LRP1B: variants seen among roughly 807,000 people sequenced by gnomAD.
LRP1B encodes the protein LDL receptor related protein 1B, also known as low-density lipoprotein receptor-related protein 1B.
In LRP1B, 217 loss-of-function variants were observed where a neutral mutation model predicts 556.6. The observed-to-expected ratio is 0.39, with a 90% confidence interval of 0.35 to 0.44. The LOEUF is 0.44. LRP1B is among the 20% of genes least tolerant of loss of function. LRP1B has a pLI of 1.00. For missense variants in LRP1B, 5,053 were observed against 5,620.8 expected (o/e 0.90, Z 3.23); for synonymous variants, 2,047 against 1,865.8 (o/e 1.10, Z -2.50).
At chr2:141,767,834 T>C (rs1047655048) in intron 2 of LRP1B, among the ~76,000 whole-genome samples, 1 of 152,174 alleles carries the variant, frequency 6.6e-6, no homozygotes, top group East Asian at 1.9e-4. Context: ...CTCACATTTT[T>C]CTGTTCCATG....
intron 23 of LRP1B, among the ~76,000 whole-genome samples, chr2:140,892,350 T>C (rs979504551): frequency 2.6e-5 from 4 of 152,140 alleles, no homozygotes; most frequent in African/African-American, 9.7e-5. Flanking sequence ...GTTTAGAACA[T>C]AGTGTTGATT....
At chr2:141,478,310 T>C (rs1352639525) in intron 3 of LRP1B, among the ~76,000 whole-genome samples, 1 of 152,172 alleles carries the variant, frequency 6.6e-6, no homozygotes, top group Admixed American at 6.5e-5. Context: ...TCATCTCTGA[T>C]GAAATATTTG....
intron 7 of LRP1B, among the ~76,000 whole-genome samples, chr2:141,183,476 C>T (rs1681100559): frequency 6.6e-6 from 1 of 152,026 alleles, no homozygotes; most frequent in Admixed American, 6.6e-5. Flanking sequence ...CTCTTCAATA[C>T]TGTCAATCAT....
intron 76 of LRP1B, among the ~76,000 whole-genome samples, chr2:140,352,477 C>A (rs770757383): frequency 4.3e-4 from 66 of 152,030 alleles, no homozygotes; most frequent in Non-Finnish European, 7.5e-4. Context: ...CCAGGCCTAT[C>A]ATTTAATCTT....
At chr2:141,538,170 C>T (rs111812730) in intron 2 of LRP1B, among the ~76,000 whole-genome samples, 2 of 152,116 alleles carry the variant, frequency 1.3e-5, no homozygotes, top group African/African-American at 4.8e-5. Context: ...GTCCACACAA[C>T]CGCCATTTGC....
intron 2 of LRP1B, among the ~76,000 whole-genome samples, chr2:141,681,512 C>G (rs1362350534): frequency 3.3e-5 from 5 of 151,560 alleles, no homozygotes; most frequent in African/African-American, 1.2e-4. Flanking sequence ...TTTCCTGTTA[C>G]TTTATGTGTG....
intron 1 of LRP1B, among the ~76,000 whole-genome samples, chr2:141,976,962 C>A (rs1038358362): frequency 5.9e-5 from 9 of 152,042 alleles, no homozygotes; most frequent in African/African-American, 2.2e-4. Context: ...TGAATGAAAT[C>A]TTCTTATAAT....
chr2:140,805,192 A>G (rs1030317610), intron 32 of LRP1B, among the ~76,000 whole-genome samples: 1 of 152,170 alleles, frequency 6.6e-6, no homozygotes, highest in African/African-American at 2.4e-5. Flanking sequence ...CCAAAATTTA[A>G]TCTCTTTTTA....
At chr2:140,673,937 C>CT (rs201724050) in intron 41 of LRP1B, among the ~76,000 whole-genome samples, 1 of 146,920 alleles carries the variant, frequency 6.8e-6, no homozygotes, top group South Asian at 2.2e-4. Context: ...TATCTCTTTT[C>CT]TTTTTTCTTT....
chr2:140,513,406 C>T (rs1163440811), intron 51 of LRP1B, among the ~76,000 whole-genome samples: 2 of 152,024 alleles, frequency 1.3e-5, no homozygotes, highest in Non-Finnish European at 2.9e-5. Context: ...AAACAGTGCT[C>T]ATCCTATTGT....
At chr2:141,803,074 C>A (rs1197681968) in intron 2 of LRP1B, among the ~76,000 whole-genome samples, 1 of 151,890 alleles carries the variant, frequency 6.6e-6, no homozygotes, top group Admixed American at 6.6e-5. Flanking sequence ...GGACATGTGT[C>A]CCCTTTTATT....
chr2:140,723,669 T>C (rs946324747), intron 35 of LRP1B, among the ~76,000 whole-genome samples: 1 of 152,242 alleles, frequency 6.6e-6, no homozygotes, highest in Non-Finnish European at 1.5e-5. Flanking sequence ...GAGAAGGTTC[T>C]TACATTAATA....
intron 83 of LRP1B, among the ~76,000 whole-genome samples, chr2:140,313,924 TAATA>T (rs1288074724): frequency 6.6e-6 from 1 of 151,956 alleles, no homozygotes; most frequent in African/African-American, 2.4e-5. Context: ...CATTATGAAT[TAATA>T]AGAAAATATT....
At chr2:140,878,771 T>C (rs1693383726) in intron 25 of LRP1B, among the ~76,000 whole-genome samples, 1 of 151,262 alleles carries the variant, frequency 6.6e-6, no homozygotes, top group Non-Finnish European at 1.5e-5. Context: ...TTTTGGGAGG[T>C]TGAGGCAGAT....
intron 41 of LRP1B, among the ~76,000 whole-genome samples, chr2:140,640,282 C>T (rs967329268): frequency 6.0e-5 from 9 of 150,444 alleles, no homozygotes; most frequent in East Asian, 4.0e-4. Flanking sequence ...TGAGCCATCG[C>T]GCCGGGCCTC....
intron 62 of LRP1B, among the ~76,000 whole-genome samples, chr2:140,456,210 T>C (rs1283406687): frequency 2.0e-5 from 3 of 152,198 alleles, no homozygotes; most frequent in Non-Finnish European, 2.9e-5. Flanking sequence ...AGTCATTATT[T>C]ATGTGGATCT....
intron 27 of LRP1B, among the ~76,000 whole-genome samples, chr2:140,854,946 C>T (rs576162854): frequency 6.6e-6 from 1 of 152,116 alleles, no homozygotes; most frequent in Admixed American, 6.5e-5. Context: ...CAATGGAGTG[C>T]TATAATAAAT....
At chr2:141,106,638 C>T (rs1231613602) in intron 7 of LRP1B, among the ~76,000 whole-genome samples, 1 of 152,062 alleles carries the variant, frequency 6.6e-6, no homozygotes, top group Non-Finnish European at 1.5e-5. Flanking sequence ...TTTATCATGA[C>T]CTGTGCAGCT....
At chr2:141,405,749 A>T (rs946688280) in intron 3 of LRP1B, among the ~76,000 whole-genome samples, 1 of 152,110 alleles carries the variant, frequency 6.6e-6, no homozygotes, top group African/African-American at 2.4e-5. Flanking sequence ...ATATCTTGTT[A>T]TTTTTGGTTA....
Sources: allele counts gnomAD v4.1 joint callset (sites outside exome capture counted in the v4.1 genomes callset), GRCh38; gene constraint gnomAD v4.1.1; transcripts MANE v1.5; gene names NCBI Gene and HGNC (gene_info 2026-07-23, HGNC 2026-07-21).